Variants in SAMMSON observed in about 807,000 individuals in gnomAD.
SAMMSON encodes the protein survival associated mitochondrial melanoma specific oncogenic non-coding RNA, also known as long intergenic non-protein coding RNA 1212.
chr3:70,289,013 A>G (rs989685773), intron 6 of SAMMSON, among the ~76,000 whole-genome samples: 1 of 152,084 alleles, frequency 6.6e-6, no homozygotes, highest in Non-Finnish European at 1.5e-5. Flanking sequence ...ATCTTTATCC[A>G]GTTTGCCAGT....
chr3:70,333,245 C>G (rs1702638562), intron 7 of SAMMSON, among the ~76,000 whole-genome samples: 1 of 152,088 alleles, frequency 6.6e-6, no homozygotes, highest in African/African-American at 2.4e-5. Flanking sequence ...ATTTCCCATC[C>G]TCCTTTGCAC....
intron 6 of SAMMSON, among the ~76,000 whole-genome samples, chr3:70,259,049 G>A (rs1701842635): frequency 6.6e-6 from 1 of 152,122 alleles, no homozygotes; most frequent in East Asian, 1.9e-4. Flanking sequence ...AGATACAGTT[G>A]ATGTGCTTAT....
At chr3:70,366,506 T>TTTTG (rs2106743230) in intron 9 of SAMMSON, among the ~76,000 whole-genome samples, 1 of 150,078 alleles carries the variant, frequency 6.7e-6, no homozygotes, top group South Asian at 2.1e-4. Flanking sequence ...TTTTTTTTTT[T>TTTTG]TTGCCTAATA....
intron 4 of SAMMSON, among the ~76,000 whole-genome samples, chr3:70,246,490 A>G (rs544306850): frequency 1.1e-3 from 173 of 152,178 alleles, no homozygotes; most frequent in African/African-American, 4.0e-3. Context: ...GGGCATCACT[A>G]TACATAGGGC....
At chr3:70,176,666 A>G (rs750789225) in intron 4 of SAMMSON, among the ~76,000 whole-genome samples, 1 of 152,176 alleles carries the variant, frequency 6.6e-6, no homozygotes, top group African/African-American at 2.4e-5. Context: ...ATCCCTTGCA[A>G]TGAGAAAACT....
intron 9 of SAMMSON, among the ~76,000 whole-genome samples, chr3:70,373,154 C>A (rs1048961375): frequency 3.3e-5 from 5 of 152,030 alleles, no homozygotes; most frequent in Non-Finnish European, 7.4e-5. Context: ...TCCCATTAGT[C>A]ATTTTTTAAA....
At chr3:70,386,299 G>A (rs1703122372) in intron 9 of SAMMSON, among the ~76,000 whole-genome samples, 1 of 152,024 alleles carries the variant, frequency 6.6e-6, no homozygotes, top group Non-Finnish European at 1.5e-5. Context: ...TTTCAAGAGG[G>A]GAGTTGGGTT....
intron 8 of SAMMSON, among the ~76,000 whole-genome samples, chr3:70,355,982 C>T (rs921091479): frequency 6.6e-6 from 1 of 152,114 alleles, no homozygotes; most frequent in Non-Finnish European, 1.5e-5. Flanking sequence ...AAAAGACATA[C>T]ATTTGTCATA....
intron 7 of SAMMSON, among the ~76,000 whole-genome samples, chr3:70,350,490 T>C (rs562403790): frequency 2.0e-5 from 3 of 152,262 alleles, no homozygotes; most frequent in East Asian, 1.9e-4. Flanking sequence ...GGAAACATCA[T>C]GAACCCTTTA....
At chr3:70,023,264 G>A (rs1050499613) in intron 3 of SAMMSON, among the ~76,000 whole-genome samples, 20 of 151,864 alleles carry the variant, frequency 1.3e-4, no homozygotes, top group Non-Finnish European at 1.0e-4. Context: ...AGACCATCCT[G>A]GCTAACAAAG....
Position 70,113,507 on chromosome 3 carries a change from T to A in SAMMSON, n.507+41942T>A, listed in dbSNP as rs527542468. On this transcript the variant is annotated intron_variant and non_coding_transcript_variant, in intron 4 of 9. Transcript: ENST00000642114. ...TCACTACGTATTTGTCTGAAGACAC[T>A]ATTATTTTTATTTTATTTGACCACT... is the stretch of plus-strand genomic sequence containing the variant. Among the ~76,000 whole-genome samples, 22 of 152,338 alleles carry A rather than the reference T, an allele frequency of 1.4e-4. 1 individual carries two copies. The highest frequency in any genetic ancestry group is 4.6e-4 in the African/African-American group (19 of 41,578).
chr3:70,147,986 A>G (rs148712277), intron 4 of SAMMSON, among the ~76,000 whole-genome samples: 13 of 152,200 alleles, frequency 8.5e-5, no homozygotes, highest in Admixed American at 2.0e-4. Context: ...AATTTGGACA[A>G]TTTACCAATG....
At chr3:70,330,517 A>C (rs1702614568) in intron 7 of SAMMSON, among the ~76,000 whole-genome samples, 1 of 152,054 alleles carries the variant, frequency 6.6e-6, no homozygotes, top group African/African-American at 2.4e-5. Flanking sequence ...TTACCAGAAA[A>C]TAATGGAAGG....
chr3:70,171,178 CT>C (rs1700943682), intron 4 of SAMMSON, among the ~76,000 whole-genome samples: 1 of 151,750 alleles, frequency 6.6e-6, no homozygotes, highest in Non-Finnish European at 1.5e-5. Flanking sequence ...ACTTTTTCCC[CT>C]AGACTCTATT....
chr3:70,082,310 G>C (rs1450691831), intron 4 of SAMMSON, among the ~76,000 whole-genome samples: 1 of 152,186 alleles, frequency 6.6e-6, no homozygotes, highest in African/African-American at 2.4e-5. Context: ...CGATATAATT[G>C]TGATTAATAT....
intron 9 of SAMMSON, among the ~76,000 whole-genome samples, chr3:70,379,629 G>A (rs2054247982): frequency 6.6e-6 from 1 of 152,118 alleles, no homozygotes; most frequent in Admixed American, 6.6e-5. Context: ...CATTGGATAT[G>A]GTCAAGACAA....
At chr3:70,321,344 A>T (rs1702537258) in intron 7 of SAMMSON, among the ~76,000 whole-genome samples, 1 of 152,126 alleles carries the variant, frequency 6.6e-6, no homozygotes, top group Non-Finnish European at 1.5e-5. Context: ...ATGGAATTAT[A>T]CAGTATGTAT....
At chr3:70,127,948 A>G (rs2067466386) in intron 4 of SAMMSON, among the ~76,000 whole-genome samples, 1 of 152,152 alleles carries the variant, frequency 6.6e-6, no homozygotes. Flanking sequence ...ACCATGCCCC[A>G]CATTTTATAG....
chr3:70,065,530 GA>G (rs201666013), intron 3 of SAMMSON, among the ~76,000 whole-genome samples: 15 of 150,494 alleles, frequency 1.0e-4, no homozygotes, highest in East Asian at 3.9e-4. Context: ...GTTTTTTTTA[GA>G]AAAAAAAATG....
Sources: gnomAD v4.1 joint callset for allele counts (sites outside exome capture counted in the v4.1 genomes callset) on GRCh38, gnomAD v4.1.1 for gene constraint, MANE v1.5 for transcripts, NCBI Gene and HGNC (gene_info 2026-07-23, HGNC 2026-07-21) for gene names.